Variants in PTPRQ observed in about 807,000 individuals in gnomAD.
PTPRQ encodes phosphatidylinositol phosphatase PTPRQ.
In PTPRQ, 199 loss-of-function variants were observed where a neutral mutation model predicts 246.0. The observed-to-expected ratio is 0.81, with a 90% CI of 0.72 to 0.91. The LOEUF (loss-of-function observed/expected upper bound fraction) is 0.91. Ranked by LOEUF, PTPRQ falls within the 40% of genes least tolerant of loss-of-function variation. The probability of loss-of-function intolerance (pLI) is 0.00; values close to 1 mark genes in which losing one functional copy is unlikely to be tolerated. For missense variants in PTPRQ, 2,624 were observed against 2,528.4 expected, an observed-to-expected ratio of 1.04 and a Z score of -0.81; for synonymous variants, 869 against 853.2, an observed-to-expected ratio of 1.02 and a Z score of -0.32.
At chr12:80,659,018 G>T (rs1900541948) in intron 39 of PTPRQ, among the ~76,000 whole-genome samples, 1 of 151,974 alleles carries the variant, frequency 6.6e-6, no homozygotes, top group Admixed American at 6.6e-5. Flanking sequence ...GATATTGGTT[G>T]ATAACTAATC....
chr12:80,559,646 A>G (rs1387185277), intron 25 of PTPRQ, among the ~76,000 whole-genome samples: 2 of 152,218 alleles, frequency 1.3e-5, no homozygotes, highest in Non-Finnish European at 2.9e-5. Flanking sequence ...CTTCAGATAT[A>G]AATATTCCAG....
chr12:80,652,116 A>G (rs945103409), intron 37 of PTPRQ, among the ~76,000 whole-genome samples: 1 of 152,172 alleles, frequency 6.6e-6, no homozygotes, highest in Non-Finnish European at 1.5e-5. Context: ...TTCTTATGCC[A>G]GACTTTTTAA....
At chr12:80,652,656 A>T (rs1783100683) in intron 37 of PTPRQ, 88 bp from the exon 38 acceptor site, 19 of 1,305,752 alleles carry the variant, frequency 1.5e-5, no homozygotes, top group Non-Finnish European at 1.9e-5. Context: ...TTAAAAAAAA[A>T]GTTTAGGACA....
chr12:80,654,433 C>A (rs1310153281), intron 38 of PTPRQ, among the ~76,000 whole-genome samples: 4 of 152,120 alleles, frequency 2.6e-5, no homozygotes, highest in Non-Finnish European at 4.4e-5. Flanking sequence ...TTATATTTAT[C>A]TGCACCTAAA....
At chr12:80,607,801 G>T (rs758679250) in intron 27 of PTPRQ, among the ~76,000 whole-genome samples, 1 of 150,668 alleles carries the variant, frequency 6.6e-6, no homozygotes, top group Non-Finnish European at 1.5e-5. Flanking sequence ...AGATGATTCT[G>T]CTGGAAATTA....
intron 3 of PTPRQ, 108 bp downstream of exon 3, chr12:80,445,825 G>C: frequency 1.4e-6 from 1 of 736,702 alleles, no homozygotes. Context: ...TACAGTCAGT[G>C]ACTGACAACG....
In PTPRQ at chr12:80,548,727, C is replaced by T. The variant is rs186897489; in HGVS notation, c.4016-738C>T. Among the ~76,000 whole-genome samples the T allele has an allele frequency of 2.2e-3, 330 of 152,108 alleles. 1 individual carries two copies. Among genetic ancestry groups the T allele is most frequent in the Middle Eastern group, 0.014 (4 of 294 alleles). On this transcript the variant is annotated intron_variant, in intron 24 of 44. Transcript: ENST00000644991. ...ACCAGAAAAGTTATTCTACTAATGC[C>T]ACCATTAGGGGACATTGGCTAATTG...
Position 80,535,749 on chromosome 12 carries a change from A to G in PTPRQ, c.2985+712A>G, listed in dbSNP as rs188065817. 2.6e-5 allele frequency among the ~76,000 whole-genome samples: 4 copies of G among 152,352 alleles called. No homozygotes were observed. In the East Asian group the frequency reaches 7.7e-4, roughly 29 times the overall value. On this transcript the variant is annotated intron_variant, in intron 19 of 44. Transcript: ENST00000644991. ...CAAATTAGATGTTTCACAGAACTCT[A>G]ACATATAAAAAGGATAATTGGAATG... is the stretch of plus-strand genomic sequence containing the variant.
At chr12:80,468,617 C>T in intron 6 of PTPRQ, 93 bp from the exon 7 acceptor site, 3 of 1,213,138 alleles carry the variant, frequency 2.5e-6, no homozygotes, top group Non-Finnish European at 3.2e-6. Context: ...TTTTATTTTC[C>T]TTCTTTGCCT....
chr12:80,638,925 T>A (rs1899756383), intron 35 of PTPRQ, among the ~76,000 whole-genome samples: 1 of 152,236 alleles, frequency 6.6e-6, no homozygotes, highest in Non-Finnish European at 1.5e-5. Context: ...GCTCATCTGT[T>A]TCACACTTAC....
intron 17 of PTPRQ, among the ~76,000 whole-genome samples, chr12:80,519,678 G>T (rs138367158): frequency 1.3e-5 from 2 of 152,250 alleles, no homozygotes; most frequent in African/African-American, 2.4e-5. Context: ...TGTAACAAAC[G>T]ATCCATGTTC....
intron 40 of PTPRQ, 50 bp from the exon 41 acceptor site, chr12:80,669,289 A>G (rs1378300201): frequency 2.6e-6 from 4 of 1,542,012 alleles, no homozygotes; most frequent in Admixed American, 4.1e-5. Flanking sequence ...GTATACATAT[A>G]TATCAATATA....
intron 37 of PTPRQ, 95 bp downstream of exon 37, chr12:80,649,764 A>C: frequency 7.0e-7 from 1 of 1,422,704 alleles, no homozygotes; most frequent in Admixed American, 2.8e-5. Flanking sequence ...GCCATGAAGG[A>C]CTCTGGCCTT....
intron 28 of PTPRQ, 83 bp downstream of exon 28, chr12:80,610,708 G>C: frequency 6.8e-7 from 1 of 1,462,844 alleles, no homozygotes; most frequent in East Asian, 2.6e-5. Flanking sequence ...CACCAAAAAA[G>C]GATATGTGTT....
chr12:80,594,643 GCAC>G (rs1897909123), intron 26 of PTPRQ, among the ~76,000 whole-genome samples: 1 of 152,010 alleles, frequency 6.6e-6, no homozygotes, highest in African/African-American at 2.4e-5. Context: ...TCAGTTTACT[GCAC>G]CACTATTCAT....
intron 25 of PTPRQ, among the ~76,000 whole-genome samples, chr12:80,573,197 T>A (rs1259250797): frequency 1.3e-5 from 2 of 152,126 alleles, no homozygotes; most frequent in Non-Finnish European, 2.9e-5. Context: ...TTTTAAAAAA[T>A]TTTACTTTAG....
intron 15 of PTPRQ, 141 bp from the exon 16 acceptor site, chr12:80,506,428 G>T (rs757442116): frequency 4.9e-6 from 4 of 808,514 alleles, no homozygotes; most frequent in Non-Finnish European, 7.5e-6. Context: ...ATAAATAAGA[G>T]CTACTATTGC....
intron 26 of PTPRQ, among the ~76,000 whole-genome samples, chr12:80,603,154 G>A (rs984026537): frequency 4.0e-5 from 6 of 151,700 alleles, no homozygotes; most frequent in Non-Finnish European, 5.9e-5. Context: ...AAATTATTCC[G>A]AGTTCTTTTT....
At chr12:80,449,594 GGC>G (rs1892677374) in intron 3 of PTPRQ, among the ~76,000 whole-genome samples, 1 of 151,782 alleles carries the variant, frequency 6.6e-6, no homozygotes, top group Non-Finnish European at 1.5e-5. Flanking sequence ...TTCTACATAT[GGC>G]TAGCCAGTTT....
Sources: allele counts gnomAD v4.1 joint callset (sites outside exome capture counted in the v4.1 genomes callset), GRCh38; gene constraint gnomAD v4.1.1; transcripts MANE v1.5; gene names NCBI Gene and HGNC (gene_info 2026-07-23, HGNC 2026-07-21).